RNF111: variants seen among roughly 807,000 people sequenced by gnomAD.
The protein encoded by RNF111 is E3 ubiquitin-protein ligase Arkadia.
RNF111 carries 17 observed loss-of-function variants against 95.1 expected under a neutral mutation model. The observed-to-expected ratio is 0.18, with a 90% CI of 0.12 to 0.27. RNF111 has a LOEUF of 0.27. Among genes scored for constraint, RNF111 ranks in the 10% least tolerant of loss-of-function variants. The pLI is 1.00. For synonymous variants in RNF111, 440 were observed against 414.8 expected (o/e 1.06, Z -0.74); for missense variants, 1,189 against 1,210.4 (o/e 0.98, Z 0.26).
chr15:59,032,090 C>T (rs531130556), intron 2 of RNF111, among the ~76,000 whole-genome samples: 1 of 152,182 alleles, frequency 6.6e-6, no homozygotes, highest in Non-Finnish European at 1.5e-5. Context: ...AGGTGCCCAC[C>T]ACCATGCCCA....
At chr15:59,076,914 GT>G (rs2078580896) in intron 7 of RNF111, among the ~76,000 whole-genome samples, 2 of 152,088 alleles carry the variant, frequency 1.3e-5, no homozygotes, top group African/African-American at 2.4e-5. Context: ...TTTGTGTTTT[GT>G]TTTGATTACA....
At chr15:59,039,605 A>T (rs2041347616) in intron 2 of RNF111, among the ~76,000 whole-genome samples, 1 of 152,160 alleles carries the variant, frequency 6.6e-6, no homozygotes, top group East Asian at 1.9e-4. Context: ...TGTCCTTTTG[A>T]TGCCATCCTA....
At chr15:59,073,312 TAAAAATAC>T (rs1183789016) in intron 6 of RNF111, among the ~76,000 whole-genome samples, 2 of 151,928 alleles carry the variant, frequency 1.3e-5, no homozygotes, top group African/African-American at 4.8e-5. Flanking sequence ...TTGTGTCTAC[TAAAAATAC>T]AAAAATACAA....
At chr15:59,010,638 G>A (rs1414511734) in intron 1 of RNF111, among the ~76,000 whole-genome samples, 1 of 152,118 alleles carries the variant, frequency 6.6e-6, no homozygotes, top group African/African-American at 2.4e-5. Context: ...CTGACATCAG[G>A]TGATCTGCCC....
intron 1 of RNF111, among the ~76,000 whole-genome samples, chr15:59,016,323 C>G (rs1330250064): frequency 1.3e-5 from 2 of 152,010 alleles, no homozygotes; most frequent in Non-Finnish European, 2.9e-5. Context: ...GCACGCACCA[C>G]CACGCCCAGC....
At chr15:59,089,553 A>G in intron 10 of RNF111, 114 bp from the exon 11 acceptor site, 1 of 803,086 alleles carries the variant, frequency 1.2e-6, no homozygotes, top group South Asian at 1.5e-5. Flanking sequence ...ATTGAAGTCA[A>G]ATTTTATGAG....
chr15:58,994,033 ATTTTTTTTT>A (rs371453519), intron 1 of RNF111, among the ~76,000 whole-genome samples: 8 of 103,132 alleles, frequency 7.8e-5, no homozygotes, highest in African/African-American at 4.0e-5. Flanking sequence ...TGTTACTTAA[ATTTTTTTTT>A]TTTTTTTTTT....
intron 1 of RNF111, among the ~76,000 whole-genome samples, chr15:59,009,202 G>A (rs2039677794): frequency 1.3e-5 from 2 of 152,102 alleles, no homozygotes; most frequent in Middle Eastern, 3.4e-3. Flanking sequence ...CAGGTGATCC[G>A]CCCACCTTGG....
chr15:58,994,998 C>T (rs946118860), intron 1 of RNF111, among the ~76,000 whole-genome samples: 7 of 152,268 alleles, frequency 4.6e-5, no homozygotes, highest in Admixed American at 6.5e-5. Flanking sequence ...CAGCATTTTC[C>T]TCATAGGACC....
At chr15:59,084,459 A>G (rs1202368455) in intron 9 of RNF111, 1 of 398,956 alleles carries the variant, frequency 2.5e-6, no homozygotes, top group African/African-American at 2.1e-5. Flanking sequence ...AAGCAGGAGT[A>G]GTACTTTTTT....
intron 1 of RNF111, among the ~76,000 whole-genome samples, chr15:59,010,531 A>G (rs1375941114): frequency 6.6e-6 from 1 of 151,990 alleles, no homozygotes; most frequent in East Asian, 1.9e-4. Context: ...CCTCCCAAGT[A>G]GCTGGGATTA....
chr15:59,012,459 AAGAC>A (rs1464862543), intron 1 of RNF111, among the ~76,000 whole-genome samples: 3 of 152,210 alleles, frequency 2.0e-5, no homozygotes, highest in East Asian at 1.9e-4. Flanking sequence ...AAAAAGATAA[AAGAC>A]AGGTATACAC....
rs2040870914 is a variant in RNF111 at position 59,030,886 on chromosome 15, A to T, written c.64A>T (p.Ile22Phe). ...YTLKVDMKSE[I>F]PSDAPKTQES... Reference sequence around the variant, plus strand: ...CTTAAAAGTGGATATGAAGAGTGAGATTCCTTCTGATGCACCAAAGACACA... The same window carrying T: ...CTTAAAAGTGGATATGAAGAGTGAGTTTCCTTCTGATGCACCAAAGACACA... Residue 22 changes from isoleucine (I) to phenylalanine (F), a missense_variant, in exon 2 of 14, where the codon ATT becomes TTT. This residue lies in a region of RNF111 where 1,024 missense variants were observed against 925.9 expected (regional missense o/e 1.11). Transcript: ENST00000348370. 6.2e-7 allele frequency: 1 copy of T among 1,614,166 alleles called. No individual in the cohort carries two copies. Among genetic ancestry groups the T allele is most frequent in the East Asian group, 2.2e-5 (1 of 44,882 alleles).
intron 6 of RNF111, among the ~76,000 whole-genome samples, chr15:59,068,980 A>G (rs1360843260): frequency 1.3e-5 from 2 of 150,936 alleles, no homozygotes; most frequent in South Asian, 2.1e-4. Context: ...AGACTGAGGC[A>G]GGAGAATCGA....
At chr15:59,084,285 C>G (rs149210201) in intron 9 of RNF111, 31 bp downstream of exon 9, 4 of 1,524,844 alleles carry the variant, frequency 2.6e-6, no homozygotes, top group Non-Finnish European at 3.5e-6. Flanking sequence ...CAAAACAGTG[C>G]TTCACAGCTT....
At chr15:59,063,539 A>G (rs1169287917) in intron 5 of RNF111, among the ~76,000 whole-genome samples, 1 of 152,154 alleles carries the variant, frequency 6.6e-6, no homozygotes, top group African/African-American at 2.4e-5. Context: ...ATTTTAATAG[A>G]AAAGGAAGTG....
In RNF111 at chr15:59,030,861, C is replaced by A; in HGVS notation, c.39C>A (p.Thr13=). The A allele has an allele frequency of 6.2e-7, 1 of 1,613,730 alleles. No individual in the cohort carries two copies. Among genetic ancestry groups the A allele is most frequent in the Non-Finnish European group, 8.5e-7 (1 of 1,179,732 alleles). ...QWTPEYNELY[T]LKVDMKSEIP... is the part of the protein sequence containing the mutation. Reference sequence around the variant, plus strand: ...CTCCTGAATATAACGAGCTCTACACCTTAAAAGTGGATATGAAGAGTGAGA... The same window carrying A: ...CTCCTGAATATAACGAGCTCTACACATTAAAAGTGGATATGAAGAGTGAGA... The change falls in exon 2 of 14, where the codon ACC becomes ACA. Residue 13 remains threonine (T), a synonymous_variant. Coordinates refer to ENST00000348370, the MANE Select transcript of RNF111 (RefSeq NM_017610.8).
At chr15:59,062,644 G>C (rs1393640608) in intron 5 of RNF111, among the ~76,000 whole-genome samples, 1 of 152,152 alleles carries the variant, frequency 6.6e-6, no homozygotes, top group African/African-American at 2.4e-5. Context: ...GTGTTGGCCG[G>C]TGGATTTGCC....
At chr15:58,997,796 CAG>C (rs1253459798) in intron 1 of RNF111, among the ~76,000 whole-genome samples, 1 of 148,782 alleles carries the variant, frequency 6.7e-6, no homozygotes, top group Non-Finnish European at 1.5e-5. Flanking sequence ...AGCCTGGCGA[CAG>C]TGTGAGACTC....
Sources: gnomAD v4.1 joint callset for allele counts (sites outside exome capture counted in the v4.1 genomes callset) on GRCh38, gnomAD v4.1.1 for gene constraint, gnomAD v4.1.1 regional missense constraint, MANE v1.5 for transcripts, NCBI Gene and HGNC (gene_info 2026-07-23, HGNC 2026-07-21) for gene names.